The following MDN1 variants were observed in gnomAD, a reference collection of about 807,000 sequenced individuals.
The protein encoded by MDN1 is midasin AAA ATPase 1.
MDN1 carries 266 observed loss-of-function variants against 669.2 expected under a neutral mutation model. That is an observed-to-expected ratio of 0.40 (90% CI 0.36 to 0.44). The LOEUF is 0.44. Among genes scored for constraint, MDN1 ranks in the 20% least tolerant of loss-of-function variants. MDN1 has a pLI of 1.00. For missense variants in MDN1, 5,940 were observed against 6,754.0 expected (o/e 0.88, Z 4.22); for synonymous variants, 2,385 against 2,457.1 (o/e 0.97, Z 0.87).
At chr6:89,757,760 T>C (rs891861356) in intron 19 of MDN1, among the ~76,000 whole-genome samples, 45 of 151,784 alleles carry the variant, frequency 3.0e-4, no homozygotes, top group African/African-American at 1.0e-3. Flanking sequence ...ATACAAAAAC[T>C]TGAGGCCGGG....
chr6:89,685,041 G>A (rs1811912880), intron 70 of MDN1, 56 bp from the exon 71 acceptor site: 2 of 1,136,410 alleles, frequency 1.8e-6, no homozygotes, highest in Non-Finnish European at 1.3e-6. Context: ...TGCTACTGGT[G>A]CCAGCTGTGG....
intron 42 of MDN1, 29 bp from the exon 43 acceptor site, chr6:89,718,656 C>G: frequency 6.2e-7 from 1 of 1,610,462 alleles, no homozygotes; most frequent in Non-Finnish European, 8.5e-7. Context: ...ATGAACTCAT[C>G]ATAGGGTCAG....
intron 33 of MDN1, among the ~76,000 whole-genome samples, chr6:89,734,104 G>C (rs1296874966): frequency 6.6e-6 from 1 of 151,978 alleles, no homozygotes; most frequent in Non-Finnish European, 1.5e-5. Context: ...GGCCAACATG[G>C]TGAAACCCCG....
At position 89,648,128 on chromosome 6, in the gene MDN1, C is replaced by T; in HGVS notation, c.16299G>A (p.Lys5433=). The T allele has an allele frequency of 6.2e-7, 1 of 1,614,004 alleles. No individual in the cohort carries two copies. The highest frequency in any genetic ancestry group is 8.5e-7 in the Non-Finnish European group (1 of 1,179,882). ...IAVCSFGESV[K]LLHPFHEQFS... ...ACTGCTCATGAAATGGGTGTAACAG[C>T]TTTACAGATTCTCCAAAACTTGGGG... Residue 5433 remains lysine (K), a synonymous_variant, in exon 99 of 102, where the codon AAG becomes AAA. Coordinates refer to ENST00000369393, the MANE Select transcript of MDN1 (RefSeq NM_014611.3).
chr6:89,704,371 G>C (rs531311697), intron 53 of MDN1, among the ~76,000 whole-genome samples: 3 of 152,204 alleles, frequency 2.0e-5, no homozygotes, highest in Admixed American at 2.0e-4. Context: ...GACAGAGCGA[G>C]ACTCTGTCTC....
In MDN1 at chr6:89,794,335, A is replaced by G. The variant is rs373096124; in HGVS notation, c.555-128T>C. The G allele has an allele frequency of 6.2e-5, 42 of 674,408 alleles. No homozygotes were observed. In the African/African-American group the frequency reaches 7.0e-4, roughly 11 times the overall value. The allele number at this position is 674,408 out of a possible 1,614,324, so 41.8% of individuals were successfully genotyped here. On this transcript the variant is annotated intron_variant, in intron 3 of 101. Coordinates refer to ENST00000369393, the MANE Select transcript of MDN1 (RefSeq NM_014611.3). Reference sequence around the variant, plus strand: ...TATTACAACACATTTAAGAACAGAAAATACAAATCAGGCACAATGGATTTA... The same window carrying G: ...TATTACAACACATTTAAGAACAGAAGATACAAATCAGGCACAATGGATTTA...
At chr6:89,649,980 A>G in intron 97 of MDN1, 44 bp downstream of exon 97, 1 of 1,601,126 alleles carries the variant, frequency 6.2e-7, no homozygotes, top group Non-Finnish European at 8.6e-7. Flanking sequence ...ACATAGCTTG[A>G]TGTTAATTTC....
At chr6:89,655,221 A>C (rs1231585335) in intron 92 of MDN1, among the ~76,000 whole-genome samples, 1 of 152,226 alleles carries the variant, frequency 6.6e-6, no homozygotes, top group East Asian at 1.9e-4. Flanking sequence ...ATTAGGAATG[A>C]AACTGAAGTC....
rs1415849988 is a variant in MDN1, at chr6:89,654,317, G to A, written c.15508C>T (p.Gln5170Ter). 3 of 1,614,030 alleles carry A rather than the reference G, an allele frequency of 1.9e-6. No homozygotes were observed. Among genetic ancestry groups the A allele is most frequent in the Non-Finnish European group, 2.5e-6 (3 of 1,180,018 alleles). The change falls in exon 93 of 102, where the codon CAG becomes TAG. Residue 5170 changes from glutamine (Q) to a stop codon, truncating the protein, a stop_gained. Transcript: ENST00000369393. LOFTEE classifies it high-confidence loss of function. Reference protein sequence around the residue: ...AQTYDVASKEQQQSAKDSGKD... With the variant: ...AQTYDVASKE ...CCAGAGTCTTTTGCAGACTGTTGCTGTTCTTTGCTGGCCACATCTGTCAAC... is the reference window on the plus strand; with the variant it reads ...CCAGAGTCTTTTGCAGACTGTTGCTATTCTTTGCTGGCCACATCTGTCAAC...
Position 89,694,121 on chromosome 6 carries a change from T to G in MDN1, c.9834A>C (p.Arg3278Ser). The G allele has an allele frequency of 6.2e-7, 1 of 1,614,230 alleles. No homozygotes were observed. The highest frequency in any genetic ancestry group is 1.7e-5 in the Admixed American group (1 of 60,028). ...RNLSSQLQTGRDLEDEVVVSY... is the reference protein window; with the variant it reads ...RNLSSQLQTGSDLEDEVVVSY... ...TGACAACGACTTCATCTTCCAGGTC[T>G]CTTCCAGTCTGCAGCTGGGATGACA... The change falls in exon 62 of 102, where the codon AGA becomes AGC. Residue 3278 changes from arginine to serine, a missense_variant. Around this residue, in one of 5 missense-constraint regions of MDN1, gnomAD observed 2,292 missense variants for 2,638.3 expected, o/e 0.87. Transcript: ENST00000369393.
At chr6:89,794,058 AAG>A in intron 4 of MDN1, 40 bp downstream of exon 4, 4 of 1,465,562 alleles carry the variant, frequency 2.7e-6, no homozygotes, top group Non-Finnish European at 3.7e-6. Flanking sequence ...AAAAAAAAAA[AAG>A]AAATGCTATA....
intron 97 of MDN1, among the ~76,000 whole-genome samples, chr6:89,649,785 A>AGT (rs948208448): frequency 4.6e-5 from 7 of 152,254 alleles, no homozygotes; most frequent in Non-Finnish European, 8.8e-5. Flanking sequence ...GACCTACAAC[A>AGT]GTAAGAAACT....
rs1481908881 is a variant in MDN1, at chr6:89,692,728, G to T, written c.10302C>A (p.Thr3434=). 3 of 1,614,030 alleles carry T rather than the reference G, an allele frequency of 1.9e-6. No individual in the cohort carries two copies. Among genetic ancestry groups the T allele is most frequent in the South Asian group, 1.1e-5 (1 of 91,072 alleles). The change falls in exon 63 of 102, where the codon ACC becomes ACA. Residue 3434 remains threonine, a synonymous_variant. Transcript: ENST00000369393. ...SSMVGADRLG[T]LATALLAFPS... is the part of the protein sequence containing the mutation. ...GGAAAGCCAGCAAGGCTGTGGCCAGGGTCCCCAGCCTGTCTGCACCAACCA... is the reference window on the plus strand; with the variant it reads ...GGAAAGCCAGCAAGGCTGTGGCCAGTGTCCCCAGCCTGTCTGCACCAACCA...
chr6:89,819,722 C>A lies in MDN1; in HGVS notation c.-115G>T. 2 of 798,940 alleles carry A rather than the reference C, an allele frequency of 2.5e-6. No individual in the cohort carries two copies. Among genetic ancestry groups the A allele is most frequent in the Non-Finnish European group, 4.2e-6 (2 of 476,238 alleles). 49.5% of individuals were successfully genotyped at this position (798,940 alleles called of 1,614,324 possible). A position where few individuals can be genotyped will look rare whatever the true frequency, so the allele number is the denominator to read the frequency against. On this transcript the variant is annotated 5_prime_UTR_variant, in exon 1 of 102. Coordinates refer to ENST00000369393, the MANE Select transcript of MDN1 (RefSeq NM_014611.3). Reference sequence around the variant, plus strand: ...CCAGCAACTACGCCCGCAGGAAAGGCGTCCTCAGCTCCAGCGCCTACACCG... The same window carrying A: ...CCAGCAACTACGCCCGCAGGAAAGGAGTCCTCAGCTCCAGCGCCTACACCG...
At chr6:89,813,505 C>T (rs1222364677) in intron 1 of MDN1, among the ~76,000 whole-genome samples, 4 of 145,510 alleles carry the variant, frequency 2.7e-5, no homozygotes, top group Non-Finnish European at 6.0e-5. Flanking sequence ...GAGCCAAGAT[C>T]ATGCCATTGC....
chr6:89,759,855 T>C (rs951503921), intron 17 of MDN1, among the ~76,000 whole-genome samples: 3 of 147,622 alleles, frequency 2.0e-5, no homozygotes, highest in Non-Finnish European at 3.0e-5. Flanking sequence ...GTGGCTCACC[T>C]GAGGTCAGGA....
At chr6:89,814,217 G>A (rs1768653663) in intron 1 of MDN1, among the ~76,000 whole-genome samples, 1 of 152,018 alleles carries the variant, frequency 6.6e-6, no homozygotes, top group Non-Finnish European at 1.5e-5. Context: ...GGTCAGACAC[G>A]CCTCATTATA....
At chr6:89,746,321 A>G (rs1397063532) in intron 27 of MDN1, among the ~76,000 whole-genome samples, 1 of 152,150 alleles carries the variant, frequency 6.6e-6, no homozygotes, top group African/African-American at 2.4e-5. Flanking sequence ...ATGGTGGCTC[A>G]TGCTTGTAAT....
chr6:89,800,610 C>T (rs895578795), intron 2 of MDN1, among the ~76,000 whole-genome samples: 6 of 152,168 alleles, frequency 3.9e-5, no homozygotes, highest in Non-Finnish European at 1.5e-5. Context: ...GTATCCTTTT[C>T]TAATACACTT....
Sources: gnomAD v4.1 joint callset for allele counts (sites outside exome capture counted in the v4.1 genomes callset) on GRCh38, gnomAD v4.1.1 for gene constraint, gnomAD v4.1.1 regional missense constraint, MANE v1.5 for transcripts, NCBI Gene and HGNC (gene_info 2026-07-23, HGNC 2026-07-21) for gene names.